MLANA: variants seen among roughly 807,000 people sequenced by gnomAD.
MLANA encodes the protein melan-A.
MLANA carries 21 observed loss-of-function variants against 15.7 expected under a neutral mutation model. The ratio of observed to expected loss-of-function variants is 1.33; its 90% confidence interval spans 0.95 to 1.92. The LOEUF is 1.92. Ranked by LOEUF, MLANA falls within the 40% of genes most tolerant of loss-of-function variation. The probability of loss-of-function intolerance (pLI) is 0.00; values close to 1 mark genes in which losing one functional copy is unlikely to be tolerated. For synonymous variants in MLANA, 56 were observed against 51.5 expected (o/e 1.09, Z -0.37); for missense variants, 164 against 143.8 (o/e 1.14, Z -0.72).
intron 3 of MLANA, among the ~76,000 whole-genome samples, chr9:5,904,241 G>A (rs1259415169): frequency 3.3e-5 from 5 of 152,150 alleles, no homozygotes; most frequent in South Asian, 2.1e-4. Flanking sequence ...GTTGGGTCTT[G>A]TTTGTTGATC....
chr9:5,893,281 C>G (rs117077597), intron 2 of MLANA, among the ~76,000 whole-genome samples: 53 of 152,160 alleles, frequency 3.5e-4, no homozygotes, highest in Non-Finnish European at 6.6e-4. Context: ...GGGACATACT[C>G]TGTACGTGCT....
intron 3 of MLANA, among the ~76,000 whole-genome samples, chr9:5,905,121 C>T (rs980604158): frequency 5.3e-5 from 8 of 152,130 alleles, no homozygotes; most frequent in African/African-American, 1.9e-4. Flanking sequence ...GAGTTTGCAA[C>T]ATACATTTAC....
intron 2 of MLANA, among the ~76,000 whole-genome samples, chr9:5,897,064 G>C (rs73395373): frequency 0.011 from 1,742 of 152,250 alleles, 27 homozygotes; most frequent in African/African-American, 0.04. Flanking sequence ...TGAAAATAGG[G>C]GATGATAAAT....
At chr9:5,897,877 T>C (rs1295976072) in intron 3 of MLANA, among the ~76,000 whole-genome samples, 1 of 152,242 alleles carries the variant, frequency 6.6e-6, no homozygotes, top group Non-Finnish European at 1.5e-5. Context: ...TAGTCTGTGA[T>C]TATAACATAA....
intron 2 of MLANA, among the ~76,000 whole-genome samples, chr9:5,896,624 C>T (rs1349117868): frequency 1.3e-5 from 2 of 152,164 alleles, no homozygotes; most frequent in African/African-American, 2.4e-5. Flanking sequence ...AGTTGACAAC[C>T]ACAGATAACA....
chr9:5,904,681 C>T (rs1339396042), intron 3 of MLANA, among the ~76,000 whole-genome samples: 1 of 151,988 alleles, frequency 6.6e-6, no homozygotes, highest in Non-Finnish European at 1.5e-5. Flanking sequence ...TCATGTTGGC[C>T]AGGCTGGAAC....
At chr9:5,903,582 ATGTTGAAGCC>A (rs1318719936) in intron 3 of MLANA, among the ~76,000 whole-genome samples, 4 of 152,144 alleles carry the variant, frequency 2.6e-5, no homozygotes, top group Non-Finnish European at 4.4e-5. Context: ...TGATAGAGAG[ATGTTGAAGCC>A]TCCAACTGTA....
chr9:5,892,807 T>C (rs1162538095), intron 2 of MLANA, among the ~76,000 whole-genome samples: 3 of 152,200 alleles, frequency 2.0e-5, no homozygotes, highest in Non-Finnish European at 2.9e-5. Flanking sequence ...CTTTTGACTA[T>C]TGGGTCTTAT....
At chr9:5,897,780 A>C in intron 3 of MLANA, 127 bp downstream of exon 3, 1 of 827,794 alleles carries the variant, frequency 1.2e-6, no homozygotes, top group South Asian at 1.5e-5. Context: ...CCGGCTTCTG[A>C]TGCCTCTTTT....
chr9:5,908,615 T>C, intron 4 of MLANA, 25 bp from the exon 5 acceptor site: 1 of 1,603,818 alleles, frequency 6.2e-7, no homozygotes, highest in Non-Finnish European at 8.5e-7. Context: ...GCCAAGCCCA[T>C]ATTCTCCCTT....
At chr9:5,897,771 C>A in intron 3 of MLANA, 118 bp downstream of exon 3, 2 of 900,192 alleles carry the variant, frequency 2.2e-6, no homozygotes, top group Non-Finnish European at 3.6e-6. Flanking sequence ...GCTCTGATTC[C>A]GGCTTCTGAT....
rs528818889 is a variant in MLANA at position 5,909,080 on chromosome 9, C to A, written c.*372C>A. The A allele has an allele frequency of 3.7e-6, 1 of 270,700 alleles. No homozygotes were observed. Among genetic ancestry groups the A allele is most frequent in the South Asian group, 4.3e-5 (1 of 23,040 alleles). 16.8% of individuals were successfully genotyped at this position (270,700 alleles called of 1,614,324 possible). A position where few individuals can be genotyped will look rare whatever the true frequency, so the allele number is the denominator to read the frequency against. On this transcript the variant is annotated 3_prime_UTR_variant, in exon 5 of 5. Coordinates refer to ENST00000381477, the MANE Select transcript of MLANA (RefSeq NM_005511.2). ...ATAACAAACTAGTCAGGTTTTCGAACCTTGACCGACATGAACTGTACACAG... is the reference window on the plus strand; with the variant it reads ...ATAACAAACTAGTCAGGTTTTCGAAACTTGACCGACATGAACTGTACACAG...
intron 3 of MLANA, 110 bp from the exon 4 acceptor site, chr9:5,906,775 G>T (rs188629810): frequency 4.7e-6 from 3 of 644,810 alleles, no homozygotes; most frequent in East Asian, 3.0e-5. Context: ...GCAAGTAAGT[G>T]GCAGAACCTA....
chr9:5,905,123 T>C (rs79799070), intron 3 of MLANA, among the ~76,000 whole-genome samples: 1 of 152,148 alleles, frequency 6.6e-6, no homozygotes, highest in African/African-American at 2.4e-5. Flanking sequence ...GTTTGCAACA[T>C]ACATTTACAA....
At chr9:5,903,353 T>C (rs752816068) in intron 3 of MLANA, among the ~76,000 whole-genome samples, 1 of 152,240 alleles carries the variant, frequency 6.6e-6, no homozygotes, top group Non-Finnish European at 1.5e-5. Context: ...GAAGATTTTG[T>C]TGAGTTCCAC....
chr9:5,906,304 T>C (rs956665815), intron 3 of MLANA, among the ~76,000 whole-genome samples: 2 of 147,038 alleles, frequency 1.4e-5, no homozygotes, highest in Non-Finnish European at 3.0e-5. Flanking sequence ...TACTCCAGCC[T>C]GGGCAACAGA....
intron 3 of MLANA, among the ~76,000 whole-genome samples, chr9:5,905,744 C>T (rs559338906): frequency 6.6e-6 from 1 of 152,216 alleles, no homozygotes; most frequent in Admixed American, 6.5e-5. Context: ...CCAATGTATA[C>T]CTTCCGTGTA....
chr9:5,903,695 A>C (rs1586951806), intron 3 of MLANA, among the ~76,000 whole-genome samples: 1 of 152,134 alleles, frequency 6.6e-6, no homozygotes, highest in Admixed American at 6.5e-5. Context: ...AGGTACATGC[A>C]ATGTTAGGTG....
intron 3 of MLANA, among the ~76,000 whole-genome samples, chr9:5,902,221 C>T (rs543943696): frequency 2.0e-5 from 3 of 148,864 alleles, no homozygotes; most frequent in South Asian, 4.1e-4. Flanking sequence ...GTTCTTCTTG[C>T]GTGGATTTTG....
Sources: allele counts gnomAD v4.1 joint callset (sites outside exome capture counted in the v4.1 genomes callset), GRCh38; gene constraint gnomAD v4.1.1; transcripts MANE v1.5; gene names NCBI Gene and HGNC (gene_info 2026-07-23, HGNC 2026-07-21).